The following FSHR variants were observed in gnomAD, a reference collection of about 807,000 sequenced individuals.
FSHR encodes the protein follicle-stimulating hormone receptor.
Under a neutral mutation model 52.1 loss-of-function variants are expected in FSHR, and 46 were observed. That is an observed-to-expected ratio of 0.88 (90% CI 0.70 to 1.13). The LOEUF (loss-of-function observed/expected upper bound fraction) is 1.13. Ranked by LOEUF, FSHR falls within the 50% of genes most tolerant of loss-of-function variation. FSHR has a pLI of 0.00. For missense variants in FSHR, 964 were observed against 834.6 expected, an observed-to-expected ratio of 1.16 and a Z score of -1.91; for synonymous variants, 399 against 309.6, an observed-to-expected ratio of 1.29 and a Z score of -3.03.
chr2:48,973,732 C>T lies in FSHR; in HGVS notation c.669-4849G>A, dbSNP rs57094174. On this transcript the variant is annotated intron_variant, in intron 8 of 9. Transcript: ENST00000406846. ...GTAGTGAGTACCCAGAAACTTATTG[C>T]TTTGTTAGAAGATATACTGGGGAGT... 3.9e-5 allele frequency among the ~76,000 whole-genome samples: 6 copies of T among 152,268 alleles called. No homozygotes were observed. The East Asian group carries it at 9.6e-4, about 24-fold the overall frequency.
At position 48,988,838 on chromosome 2, in the gene FSHR, G is replaced by A. The variant is rs2072488; in HGVS notation, c.524+139C>T. ...GATTCTGAAATGTAAAGATGAGAGA[G>A]GAACGCAGAACTGGAGAGTGATTTA... On this transcript the variant is annotated intron_variant, in intron 6 of 9. Coordinates refer to ENST00000406846, the MANE Select transcript of FSHR (RefSeq NM_000145.4). 525,908 of 708,504 alleles carry A rather than the reference G, an allele frequency of 0.74. 196,035 individuals carry two copies. The highest frequency in any genetic ancestry group is 0.77 in the Non-Finnish European group (300,469 of 389,650). 43.9% of individuals were successfully genotyped at this position (708,504 alleles called of 1,614,324 possible).
intron 2 of FSHR, among the ~76,000 whole-genome samples, chr2:49,028,749 C>A (rs1034277295): frequency 2.0e-5 from 3 of 152,188 alleles, no homozygotes; most frequent in Non-Finnish European, 2.9e-5. Flanking sequence ...ACACTGTCTC[C>A]TTTTTAGCTG....
chr2:48,983,447 A>G (rs1424882521), intron 6 of FSHR, among the ~76,000 whole-genome samples: 2 of 152,234 alleles, frequency 1.3e-5, no homozygotes, highest in African/African-American at 2.4e-5. Flanking sequence ...CCTGGATTCT[A>G]TAACTGTAAG....
intron 2 of FSHR, among the ~76,000 whole-genome samples, chr2:49,028,369 G>T (rs1233417640): frequency 1.3e-5 from 2 of 152,200 alleles, no homozygotes; most frequent in African/African-American, 2.4e-5. Context: ...ACACATGTGT[G>T]AGTGGCAGCA....
intron 2 of FSHR, among the ~76,000 whole-genome samples, chr2:49,040,660 A>G (rs928937851): frequency 6.6e-6 from 1 of 152,186 alleles, no homozygotes; most frequent in Non-Finnish European, 1.5e-5. Flanking sequence ...ATAAGAAGAT[A>G]AGAAAAAGAA....
chr2:48,992,678 C>A lies in FSHR; in HGVS notation c.375-2041G>T, dbSNP rs149543566. On this transcript the variant is annotated intron_variant, in intron 4 of 9. Coordinates refer to ENST00000406846, the MANE Select transcript of FSHR (RefSeq NM_000145.4). ...GGGACAATTGGTGGAGCTTTCTATT[C>A]CACCCTCTTGCTCTGTCTCTATCAG... Among the ~76,000 whole-genome samples, 16 of 151,804 alleles carry A rather than the reference C, an allele frequency of 1.1e-4. No individual in the cohort carries two copies. The East Asian group carries it at 2.7e-3, about 26-fold the overall frequency.
intron 2 of FSHR, among the ~76,000 whole-genome samples, chr2:49,066,245 G>A (rs1669498489): frequency 6.6e-6 from 1 of 152,044 alleles, no homozygotes; most frequent in Admixed American, 6.6e-5. Flanking sequence ...ATAGGTGAAA[G>A]TTGGTCACAT....
At chr2:49,103,492 C>T (rs1328166616) in intron 1 of FSHR, among the ~76,000 whole-genome samples, 3 of 152,146 alleles carry the variant, frequency 2.0e-5, no homozygotes, top group Admixed American at 6.5e-5. Flanking sequence ...CTTGCAGAAC[C>T]CCTTGTGCAT....
chr2:48,984,319 A>G (rs1037160809), intron 6 of FSHR, among the ~76,000 whole-genome samples: 2 of 152,178 alleles, frequency 1.3e-5, no homozygotes, highest in Non-Finnish European at 2.9e-5. Context: ...CCCCAATGCC[A>G]TTTGAGAAAG....
intron 1 of FSHR, among the ~76,000 whole-genome samples, chr2:49,095,515 TA>T (rs747079059): frequency 2.0e-5 from 3 of 152,212 alleles, no homozygotes; most frequent in Non-Finnish European, 2.9e-5. Context: ...GCTAAAACTA[TA>T]AAACTTTTTG....
rs1353978475 is a variant in FSHR at position 49,083,655 on chromosome 2, C to A, written c.153-15365G>T. Among the ~76,000 whole-genome samples the A allele has an allele frequency of 9.1e-3, 1,366 of 149,770 alleles. 16 individuals are homozygous for A. Among genetic ancestry groups the A allele is most frequent in the Middle Eastern group, 0.034 (10 of 294 alleles). The stretch of plus-strand genomic sequence containing the variant: ...AAATAAAAGGATGGAGGAAGCTCTA[C>A]CAAGCAAATGAAAAACAAAAAAAGG... On this transcript the variant is annotated intron_variant, in intron 1 of 9. Transcript: ENST00000406846.
At chr2:48,971,190 C>T (rs967833938) in intron 8 of FSHR, among the ~76,000 whole-genome samples, 1 of 152,218 alleles carries the variant, frequency 6.6e-6, no homozygotes, top group Non-Finnish European at 1.5e-5. Flanking sequence ...TCTCTACGCT[C>T]TTCTCTGTGT....
At chr2:49,067,396 A>G (rs1337859562) in intron 2 of FSHR, among the ~76,000 whole-genome samples, 1 of 152,178 alleles carries the variant, frequency 6.6e-6, no homozygotes, top group Non-Finnish European at 1.5e-5. Flanking sequence ...TCAAGAAAGA[A>G]ACACATGAAC....
intron 6 of FSHR, among the ~76,000 whole-genome samples, chr2:48,984,335 C>T (rs1423974888): frequency 6.6e-6 from 1 of 152,172 alleles, no homozygotes. Flanking sequence ...GAAAGCCTCT[C>T]CCAGGCACAT....
chr2:49,128,973 A>G (rs1337445882), intron 1 of FSHR, among the ~76,000 whole-genome samples: 2 of 152,098 alleles, frequency 1.3e-5, no homozygotes, highest in Non-Finnish European at 2.9e-5. Flanking sequence ...TTTTCTCACA[A>G]TCCTAATTTC....
At chr2:49,135,567 A>G (rs753027322) in intron 1 of FSHR, among the ~76,000 whole-genome samples, 27 of 152,224 alleles carry the variant, frequency 1.8e-4, no homozygotes, top group South Asian at 6.2e-4. Flanking sequence ...AAGAAGAGCA[A>G]ATTAAATCTA....
chr2:49,019,580 A>T (rs772315351), intron 3 of FSHR, among the ~76,000 whole-genome samples: 9 of 152,190 alleles, frequency 5.9e-5, no homozygotes, highest in Non-Finnish European at 1.0e-4. Context: ...GATTTAATTG[A>T]CATTTATCTT....
rs1044876943 is a variant in FSHR at position 48,984,908 on chromosome 2, A to G, written c.525-1742T>C. On this transcript the variant is annotated intron_variant, in intron 6 of 9. Transcript: ENST00000406846. ...TTATGGATTATCTCAATCAACAGAT[A>G]CCATTATATGGGGAGGAGGATGGTA... is the stretch of plus-strand genomic sequence containing the variant. Among the ~76,000 whole-genome samples, 7 of 152,206 alleles carry G rather than the reference A, an allele frequency of 4.6e-5. No individual in the cohort carries two copies. In the East Asian group the frequency reaches 5.8e-4, roughly 13 times the overall value.
intron 2 of FSHR, among the ~76,000 whole-genome samples, chr2:49,024,717 A>AT (rs1667862147): frequency 6.6e-6 from 1 of 152,072 alleles, no homozygotes. Context: ...TTCACAGAGC[A>AT]TTTTTCTCCA....
Sources: allele counts gnomAD v4.1 joint callset (sites outside exome capture counted in the v4.1 genomes callset), GRCh38; gene constraint gnomAD v4.1.1; transcripts MANE v1.5; gene names NCBI Gene and HGNC (gene_info 2026-07-23, HGNC 2026-07-21).